The following SDK1 variants were observed in gnomAD, a reference collection of about 807,000 sequenced individuals.
The protein encoded by SDK1 is protein sidekick-1.
SDK1 carries 157 observed loss-of-function variants against 245.5 expected under a neutral mutation model. The ratio of observed to expected loss-of-function variants is 0.64; its 90% CI spans 0.56 to 0.73. The LOEUF is 0.73. Ranked by LOEUF, SDK1 falls within the 30% of genes least tolerant of loss-of-function variation. The pLI is 0.00. For synonymous variants in SDK1, 1,647 were observed against 1,278.5 expected (o/e 1.29, Z -6.15); for missense variants, 3,583 against 3,002.3 (o/e 1.19, Z -4.52).
chr7:3,578,620 A>G (rs553522616), intron 1 of SDK1, among the ~76,000 whole-genome samples: 1 of 151,426 alleles, frequency 6.6e-6, no homozygotes, highest in East Asian at 1.9e-4. Context: ...TTTATAGACC[A>G]CCCCCCAGGA....
chr7:3,302,363 G>C (rs1311930785), intron 1 of SDK1: 1 of 151,776 alleles, frequency 6.6e-6, no homozygotes, highest in East Asian at 1.9e-4. Flanking sequence ...GCCCCCGCCT[G>C]CTCCTGACTC....
Position 3,357,053 on chromosome 7 carries a change from G to GAA in SDK1, c.298+55190_298+55191dup, listed in dbSNP as rs35467524. On this transcript the variant is annotated intron_variant, in intron 1 of 44. Transcript: ENST00000404826. ...CTGGGTGACAGAGCGAGACTCTCTC[G>GAA]AAAAAAAAAAAAAAAAAAAAAAGAT... Among the ~76,000 whole-genome samples the GAA allele has an allele frequency of 1.7e-4, 14 of 81,252 alleles. 1 individual carries two copies. Among genetic ancestry groups the GAA allele is most frequent in the South Asian group, 4.7e-4 (1 of 2,130 alleles). The allele number at this position is 81,252 out of a possible 152,430, so 53.3% of individuals were successfully genotyped here. A position where few individuals can be genotyped will look rare whatever the true frequency, so the allele number is the denominator to read the frequency against.
In SDK1 at chr7:4,130,750, T is replaced by C. The variant is rs1033108218; in HGVS notation, c.4129+653T>C. Among the ~76,000 whole-genome samples the C allele has an allele frequency of 2.0e-5, 3 of 152,170 alleles. No individual in the cohort carries two copies. The East Asian group carries it at 5.8e-4, about 29-fold the overall frequency. On this transcript the variant is annotated intron_variant, in intron 27 of 44. Transcript: ENST00000404826. Reference sequence around the variant, plus strand: ...TCCCACTCTGCAGATGTCAAACACATAAAGGTTAGCGCCTTTACATTTTCA... The same window carrying C: ...TCCCACTCTGCAGATGTCAAACACACAAAGGTTAGCGCCTTTACATTTTCA...
chr7:3,344,827 T>G (rs1780451609), intron 1 of SDK1, among the ~76,000 whole-genome samples: 1 of 152,136 alleles, frequency 6.6e-6, no homozygotes. Flanking sequence ...AGTCCTAAAT[T>G]CAGAAAATGA....
At chr7:4,050,893 T>C (rs1393196961) in intron 18 of SDK1, among the ~76,000 whole-genome samples, 1 of 142,748 alleles carries the variant, frequency 7.0e-6, no homozygotes, top group African/African-American at 2.6e-5. Context: ...TACCATATAG[T>C]ATATATTATA....
Position 4,196,627 on chromosome 7 carries a change from C to T in SDK1, c.5099-9252C>T, listed in dbSNP as rs116198353. On this transcript the variant is annotated intron_variant, in intron 35 of 44. Transcript: ENST00000404826. ...AGCCCTCCTAGGCCCAGGCACTGCC[C>T]GGGGAGCCCTGCTGCTCACCCCCAC... Among the ~76,000 whole-genome samples the T allele has an allele frequency of 7.0e-3, 1,067 of 152,126 alleles. 13 individuals are homozygous for T. Among genetic ancestry groups the T allele is most frequent in the South Asian group, 0.043 (207 of 4,800 alleles).
chr7:4,010,555 G>T (rs989546712), intron 14 of SDK1, among the ~76,000 whole-genome samples: 3 of 152,132 alleles, frequency 2.0e-5, no homozygotes, highest in African/African-American at 7.2e-5. Context: ...AAATGTTAAT[G>T]AATATAGTTT....
At chr7:3,818,927 C>G (rs1402265461) in intron 4 of SDK1, among the ~76,000 whole-genome samples, 7 of 152,206 alleles carry the variant, frequency 4.6e-5, no homozygotes. Flanking sequence ...GGCTGGATTG[C>G]AGGGGGAAGG....
At chr7:3,443,666 C>G (rs777764216) in intron 1 of SDK1, among the ~76,000 whole-genome samples, 3 of 152,306 alleles carry the variant, frequency 2.0e-5, no homozygotes, top group Admixed American at 1.3e-4. Flanking sequence ...TTTGTGCTTA[C>G]TTTCTTCATT....
At chr7:3,563,023 T>C (rs1288520585) in intron 1 of SDK1, among the ~76,000 whole-genome samples, 3 of 152,128 alleles carry the variant, frequency 2.0e-5, no homozygotes, top group Non-Finnish European at 4.4e-5. Context: ...AACCCAGAGC[T>C]AAACTTCTAG....
chr7:4,099,046 T>C (rs1244560800), intron 22 of SDK1, among the ~76,000 whole-genome samples: 1 of 151,570 alleles, frequency 6.6e-6, no homozygotes, highest in Non-Finnish European at 1.5e-5. Flanking sequence ...CAGGGGAGTA[T>C]GTGAAAGCAA....
chr7:3,545,386 C>T (rs895208273), intron 1 of SDK1, among the ~76,000 whole-genome samples: 2 of 152,188 alleles, frequency 1.3e-5, no homozygotes, highest in Admixed American at 6.5e-5. Flanking sequence ...AAATGTTCAT[C>T]TTTCATGTTG....
At chr7:4,016,084 G>A (rs1000004644) in intron 16 of SDK1, among the ~76,000 whole-genome samples, 5 of 152,200 alleles carry the variant, frequency 3.3e-5, no homozygotes, top group Non-Finnish European at 5.9e-5. Context: ...CGGTCCACGC[G>A]TGTCTGTCTC....
At chr7:3,497,732 A>G (rs1210559382) in intron 1 of SDK1, among the ~76,000 whole-genome samples, 1 of 152,214 alleles carries the variant, frequency 6.6e-6, no homozygotes, top group Non-Finnish European at 1.5e-5. Context: ...AACCCCTTAG[A>G]TGCTATTTAG....
intron 33 of SDK1, among the ~76,000 whole-genome samples, chr7:4,174,604 C>G (rs544179836): frequency 6.6e-6 from 1 of 152,248 alleles, no homozygotes; most frequent in South Asian, 2.1e-4. Flanking sequence ...AAGGGGAGAG[C>G]AGTTGCCAGG....
At chr7:3,853,466 A>C (rs1780467729) in intron 5 of SDK1, among the ~76,000 whole-genome samples, 1 of 152,140 alleles carries the variant, frequency 6.6e-6, no homozygotes, top group African/African-American at 2.4e-5. Flanking sequence ...CTGTTAGAAA[A>C]TTTTATAATT....
intron 1 of SDK1, among the ~76,000 whole-genome samples, chr7:3,340,212 C>T (rs548427904): frequency 1.3e-4 from 19 of 151,914 alleles, no homozygotes; most frequent in East Asian, 5.8e-4. Context: ...AGAGATGTGG[C>T]GGATTTGGTT....
At chr7:3,312,825 T>C (rs1779582101) in intron 1 of SDK1, among the ~76,000 whole-genome samples, 1 of 152,024 alleles carries the variant, frequency 6.6e-6, no homozygotes, top group Admixed American at 6.6e-5. Flanking sequence ...TATTAGAAGA[T>C]AGAATGGCTG....
chr7:4,035,107 T>C (rs6977480), intron 17 of SDK1, among the ~76,000 whole-genome samples: 38,576 of 151,812 alleles, frequency 0.25, 7,288 homozygotes, highest in African/African-American at 0.54. Flanking sequence ...GCCTCCCGAG[T>C]AGCTGGGATT....
Sources: gnomAD v4.1 joint callset for allele counts (sites outside exome capture counted in the v4.1 genomes callset) on GRCh38, gnomAD v4.1.1 for gene constraint, MANE v1.5 for transcripts, NCBI Gene and HGNC (gene_info 2026-07-23, HGNC 2026-07-21) for gene names.